The following CFAP44 variants were observed in gnomAD, a reference collection of about 807,000 sequenced individuals.
The protein encoded by CFAP44 is cilia- and flagella-associated protein 44.
Under a neutral mutation model 216.2 loss-of-function variants are expected in CFAP44, and 134 were observed. That is an observed-to-expected ratio of 0.62 (90% CI 0.54 to 0.72). The LOEUF (loss-of-function observed/expected upper bound fraction) is 0.72, where lower values mean the gene tolerates loss of function less well. Ranked by LOEUF, CFAP44 falls within the 30% of genes least tolerant of loss-of-function variation. The probability of loss-of-function intolerance (pLI) is 0.00; values close to 1 mark genes in which losing one functional copy is unlikely to be tolerated. For missense variants in CFAP44, 2,035 were observed against 2,182.1 expected (o/e 0.93, Z 1.34); for synonymous variants, 700 against 727.6 (o/e 0.96, Z 0.61).
At chr3:113,348,698 A>G (rs899887662) in intron 22 of CFAP44, among the ~76,000 whole-genome samples, 4 of 152,174 alleles carry the variant, frequency 2.6e-5, no homozygotes, top group Non-Finnish European at 4.4e-5. Context: ...GCTATTGGTT[A>G]TGTCCCCTTC....
chr3:113,330,370 C>T lies in CFAP44; in HGVS notation c.3914G>A (p.Gly1305Glu). The T allele has an allele frequency of 6.5e-7, 1 of 1,537,278 alleles. No homozygotes were observed. Among genetic ancestry groups the T allele is most frequent in the Non-Finnish European group, 8.7e-7 (1 of 1,146,898 alleles). ...CTTTCTAGAAGAGAGTTTGAGGAATCCTCCAACTGGGCCTCCAGACCCTGT... is the reference window on the plus strand; with the variant it reads ...CTTTCTAGAAGAGAGTTTGAGGAATTCTCCAACTGGGCCTCCAGACCCTGT... ...EQTGSGGPVG[G>E]FLKLSSRKDG... The change falls in exon 26 of 35, where the codon GGA becomes GAA. Residue 1305 changes from glycine to glutamate, a missense_variant. This residue lies in a region of CFAP44 where 1,883 missense variants were observed against 2,023.7 expected (regional missense o/e 0.93). Coordinates refer to ENST00000393845, the MANE Select transcript of CFAP44 (RefSeq NM_001164496.2).
Position 113,326,553 on chromosome 3 carries a change from C to A in CFAP44, c.4408G>T (p.Gly1470Cys). Residue 1470 changes from glycine to cysteine, a missense_variant, in exon 28 of 35, where the codon GGT (glycine) becomes TGT (cysteine). Physicochemically the swap from Gly to Cys is radical, Grantham distance 159. Around this residue, in one of 3 missense-constraint regions of CFAP44, gnomAD observed 1,883 missense variants for 2,023.7 expected, o/e 0.93. Transcript: ENST00000393845. ...TTTTCTCCAATGGCTGCTTGAAAAC[C>A]AGCATAGAGTGCCTTTTCTTGCTCC... The part of the protein sequence containing the change: ...LQEQEKALYA[G>C]FQAAIGENNK... 6.5e-7 allele frequency: 1 copy of A among 1,531,924 alleles called. No individual in the cohort carries two copies. The highest frequency in any genetic ancestry group is 1.2e-5 in the South Asian group (1 of 82,578). 94.9% of individuals were successfully genotyped at this position (1,531,924 alleles called of 1,614,324 possible).
intron 2 of CFAP44, among the ~76,000 whole-genome samples, chr3:113,431,085 C>T (rs944185279): frequency 6.6e-6 from 1 of 151,724 alleles, no homozygotes; most frequent in African/African-American, 2.4e-5. Context: ...CATGAGAATC[C>T]CAGAGTAAAA....
chr3:113,308,278 G>A lies in CFAP44; in HGVS notation c.4517-10C>T. 6.6e-7 allele frequency: 1 copy of A among 1,516,128 alleles called. No individual in the cohort carries two copies. The highest frequency in any genetic ancestry group is 8.8e-7 in the Non-Finnish European group (1 of 1,138,922). 93.9% of individuals were successfully genotyped at this position (1,516,128 alleles called of 1,614,324 possible). A position where few individuals can be genotyped will look rare whatever the true frequency, so the allele number is the denominator to read the frequency against. On this transcript the variant is annotated splice_polypyrimidine_tract_variant and intron_variant, in intron 28 of 34. Transcript: ENST00000393845. ...CTCTCCTCATCTTCATCTATGGAAAGAGGAGGGCATTGTTAACAAAGAAGC... is the reference window on the plus strand; with the variant it reads ...CTCTCCTCATCTTCATCTATGGAAAAAGGAGGGCATTGTTAACAAAGAAGC...
intron 19 of CFAP44, among the ~76,000 whole-genome samples, chr3:113,364,550 C>A (rs753580748): frequency 1.3e-5 from 2 of 151,970 alleles, no homozygotes; most frequent in Non-Finnish European, 2.9e-5. Flanking sequence ...ATTTTTTATT[C>A]TTTTATTGGC....
At chr3:113,306,151 G>A (rs1436291385) in intron 30 of CFAP44, 50 bp downstream of exon 30, 3 of 1,509,354 alleles carry the variant, frequency 2.0e-6, no homozygotes, top group South Asian at 2.5e-5. Flanking sequence ...TTATAGCTAG[G>A]AGGATGTGTA....
At chr3:113,380,785 G>T in intron 16 of CFAP44, 114 bp downstream of exon 16, 2 of 881,408 alleles carry the variant, frequency 2.3e-6, no homozygotes, top group Non-Finnish European at 3.1e-6. Flanking sequence ...AACTCCTTAA[G>T]TTCAGGGCCT....
chr3:113,325,462 G>A (rs1950181567), intron 28 of CFAP44, among the ~76,000 whole-genome samples: 1 of 148,498 alleles, frequency 6.7e-6, no homozygotes, highest in Non-Finnish European at 1.5e-5. Flanking sequence ...TATTTTTTTT[G>A]GAGACAGGGT....
chr3:113,436,681 C>T (rs562092556), intron 1 of CFAP44, among the ~76,000 whole-genome samples: 19 of 152,288 alleles, frequency 1.2e-4, no homozygotes, highest in African/African-American at 3.1e-4. Context: ...GTTTCCAAGA[C>T]GCAGGTCCCA....
At chr3:113,356,443 A>G (rs537176771) in intron 22 of CFAP44, among the ~76,000 whole-genome samples, 160 of 152,260 alleles carry the variant, frequency 1.1e-3, no homozygotes, top group African/African-American at 3.5e-3. Flanking sequence ...AGGATTTACA[A>G]TATTAGATGT....
intron 15 of CFAP44, among the ~76,000 whole-genome samples, chr3:113,391,413 C>A (rs1329772673): frequency 3.9e-5 from 6 of 152,126 alleles, no homozygotes; most frequent in African/African-American, 1.4e-4. Flanking sequence ...TGGGGAAACT[C>A]TCCAGGACAT....
intron 22 of CFAP44, among the ~76,000 whole-genome samples, chr3:113,355,450 G>A (rs1950484657): frequency 2.6e-5 from 4 of 152,160 alleles, no homozygotes; most frequent in Admixed American, 1.3e-4. Flanking sequence ...AACCCAAGAG[G>A]CAGAGGTTGC....
rs1949792765 is a variant in CFAP44, at chr3:113,288,148, A to G, written c.*3409T>C. The G allele has an allele frequency of 6.6e-6, 1 of 152,162 alleles. No individual in the cohort carries two copies. The highest frequency in any genetic ancestry group is 1.5e-5 in the Non-Finnish European group (1 of 68,032). 9.4% of individuals were successfully genotyped at this position (152,162 alleles called of 1,614,324 possible). ...TACAGATGAAATGCCACTTGAGACAATCTCGTTAAGTGGGGGGCCAGACCC... is the reference window on the plus strand; with the variant it reads ...TACAGATGAAATGCCACTTGAGACAGTCTCGTTAAGTGGGGGGCCAGACCC... On this transcript the variant is annotated 3_prime_UTR_variant, in exon 35 of 35. Transcript: ENST00000393845.
chr3:113,320,442 A>ATGATATATG (rs1421439229), intron 28 of CFAP44, among the ~76,000 whole-genome samples: 7,132 of 113,372 alleles, frequency 0.063, 338 homozygotes, highest in African/African-American at 0.14. Context: ...ATTGATATAT[A>ATGATATATG]TGATATATAT....
At chr3:113,300,969 G>A (rs1358274355) in intron 32 of CFAP44, among the ~76,000 whole-genome samples, 1 of 152,092 alleles carries the variant, frequency 6.6e-6, no homozygotes, top group African/African-American at 2.4e-5. Context: ...ACACTTATAT[G>A]CCCTACGACC....
intron 15 of CFAP44, among the ~76,000 whole-genome samples, chr3:113,385,635 TTTTG>T (rs1245088865): frequency 4.6e-5 from 7 of 151,676 alleles, no homozygotes; most frequent in African/African-American, 1.5e-4. Flanking sequence ...TCTTCTGGGG[TTTTG>T]TTTGTTTGTT....
intron 13 of CFAP44, among the ~76,000 whole-genome samples, chr3:113,399,147 G>C (rs1410090287): frequency 1.3e-5 from 2 of 152,102 alleles, no homozygotes; most frequent in African/African-American, 4.8e-5. Flanking sequence ...GCTTAGCCTA[G>C]CCTTCAAGTC....
At chr3:113,381,188 T>C in intron 15 of CFAP44, 128 bp from the exon 16 acceptor site, 1 of 550,738 alleles carries the variant, frequency 1.8e-6, no homozygotes. Flanking sequence ...AATTCCTCAC[T>C]GCAGTTATTG....
At chr3:113,376,102 T>C (rs1429181866) in intron 17 of CFAP44, among the ~76,000 whole-genome samples, 1 of 152,202 alleles carries the variant, frequency 6.6e-6, no homozygotes, top group Non-Finnish European at 1.5e-5. Flanking sequence ...TAGGATTCTT[T>C]TAAGCCTAAC....
Sources: gnomAD v4.1 joint callset for allele counts (sites outside exome capture counted in the v4.1 genomes callset) on GRCh38, gnomAD v4.1.1 for gene constraint, gnomAD v4.1.1 regional missense constraint, MANE v1.5 for transcripts, NCBI Gene and HGNC (gene_info 2026-07-23, HGNC 2026-07-21) for gene names.